Variants in LRMDA observed in about 807,000 individuals in gnomAD.
The protein encoded by LRMDA is leucine-rich melanocyte differentiation-associated protein.
Under a neutral mutation model 29.8 loss-of-function variants are expected in LRMDA, and 18 were observed. The ratio of observed to expected loss-of-function variants is 0.60; its 90% CI spans 0.42 to 0.90. LRMDA has a LOEUF of 0.90. Among genes scored for constraint, LRMDA ranks in the 40% least tolerant of loss-of-function variants. The pLI is 0.00. For synonymous variants in LRMDA, 125 were observed against 109.4 expected (o/e 1.14, Z -0.89); for missense variants, 273 against 273.9 (o/e 1.00, Z 0.02).
At chr10:76,065,911 G>A (rs975458624) in intron 5 of LRMDA, among the ~76,000 whole-genome samples, 3 of 152,196 alleles carry the variant, frequency 2.0e-5, no homozygotes, top group African/African-American at 7.2e-5. Flanking sequence ...GCTCGCACAC[G>A]TCTGCCATTT....
chr10:75,840,604 G>A (rs1002336218), intron 2 of LRMDA, among the ~76,000 whole-genome samples: 1 of 152,292 alleles, frequency 6.6e-6, no homozygotes, highest in South Asian at 2.1e-4. Flanking sequence ...CACGTGTGTT[G>A]TATGTATCTG....
chr10:76,072,414 C>A (rs1355546696), intron 5 of LRMDA, among the ~76,000 whole-genome samples: 1 of 152,148 alleles, frequency 6.6e-6, no homozygotes, highest in African/African-American at 2.4e-5. Flanking sequence ...AAACATCTGA[C>A]ACCAGTGCTT....
chr10:75,615,840 T>G (rs1301508332), intron 2 of LRMDA, among the ~76,000 whole-genome samples: 2 of 152,200 alleles, frequency 1.3e-5, no homozygotes, highest in African/African-American at 4.8e-5. Flanking sequence ...GATCAGTGTT[T>G]CCCAAAGTGC....
At position 75,768,596 on chromosome 10, in the gene LRMDA, G is replaced by T. The variant is rs187560535; in HGVS notation, c.132-267412G>T. On this transcript the variant is annotated intron_variant, in intron 2 of 6. Transcript: ENST00000611255. ...TCTCCAGGTAGCATCAGACACATTG[G>T]TATTTTTCTGGGTCTTGTTCCTTTT... 1.3e-4 allele frequency among the ~76,000 whole-genome samples: 20 copies of T among 152,274 alleles called. No homozygotes were observed. In the East Asian group the frequency reaches 3.3e-3, roughly 25 times the overall value.
chr10:75,809,063 C>T (rs1032290593), intron 2 of LRMDA, among the ~76,000 whole-genome samples: 1 of 152,162 alleles, frequency 6.6e-6, no homozygotes, highest in African/African-American at 2.4e-5. Flanking sequence ...CTTCTGCCCA[C>T]TAGCTGCTGC....
At chr10:76,015,914 G>A (rs533080433) in intron 2 of LRMDA, among the ~76,000 whole-genome samples, 3 of 152,314 alleles carry the variant, frequency 2.0e-5, no homozygotes, top group Admixed American at 2.0e-4. Flanking sequence ...TCTCATCTCA[G>A]AATCTACTTC....
At chr10:75,693,511 A>G (rs567685154) in intron 2 of LRMDA, among the ~76,000 whole-genome samples, 1 of 152,318 alleles carries the variant, frequency 6.6e-6, no homozygotes, top group South Asian at 2.1e-4. Flanking sequence ...GTTATCCTTT[A>G]ATTGGAGAGC....
intron 5 of LRMDA, among the ~76,000 whole-genome samples, chr10:76,148,114 T>A (rs551600977): frequency 2.6e-4 from 40 of 152,322 alleles, no homozygotes; most frequent in African/African-American, 9.4e-4. Context: ...TGCCTCCCCG[T>A]TAGGCTACTC....
chr10:75,959,423 G>C (rs1564617059), intron 2 of LRMDA, among the ~76,000 whole-genome samples: 1 of 152,170 alleles, frequency 6.6e-6, no homozygotes, highest in Non-Finnish European at 1.5e-5. Context: ...AGTCCCTACT[G>C]TGGTGACTCA....
At chr10:75,796,074 A>C (rs997558448) in intron 2 of LRMDA, among the ~76,000 whole-genome samples, 1 of 152,204 alleles carries the variant, frequency 6.6e-6, no homozygotes, top group Non-Finnish European at 1.5e-5. Flanking sequence ...AAAGTCACTT[A>C]CTACTTCTAG....
intron 2 of LRMDA, among the ~76,000 whole-genome samples, chr10:75,903,479 C>T (rs1440051340): frequency 6.6e-6 from 1 of 152,212 alleles, no homozygotes; most frequent in Admixed American, 6.5e-5. Context: ...AATCACTTCG[C>T]GATTCCATTA....
chr10:75,481,186 T>C (rs1188223014), intron 2 of LRMDA, among the ~76,000 whole-genome samples: 1 of 150,972 alleles, frequency 6.6e-6, no homozygotes, highest in African/African-American at 2.4e-5. Flanking sequence ...GGCATGGGAG[T>C]GGAGAGTGGA....
intron 2 of LRMDA, among the ~76,000 whole-genome samples, chr10:75,900,884 G>C (rs1845658980): frequency 6.6e-6 from 1 of 152,154 alleles, no homozygotes; most frequent in Admixed American, 6.5e-5. Flanking sequence ...AGTATATCCT[G>C]TCTACGCTGA....
intron 6 of LRMDA, among the ~76,000 whole-genome samples, chr10:76,372,247 T>G (rs1325555420): frequency 1.3e-5 from 2 of 152,104 alleles, no homozygotes; most frequent in Non-Finnish European, 2.9e-5. Flanking sequence ...TTGCTAGAAA[T>G]AAAGGGAGTA....
intron 2 of LRMDA, among the ~76,000 whole-genome samples, chr10:75,688,999 A>G (rs1842113724): frequency 6.6e-6 from 1 of 152,180 alleles, no homozygotes; most frequent in Non-Finnish European, 1.5e-5. Flanking sequence ...TATGTTTTTT[A>G]CAGTAACATA....
At chr10:76,229,586 C>G (rs1253627001) in intron 5 of LRMDA, among the ~76,000 whole-genome samples, 1 of 152,016 alleles carries the variant, frequency 6.6e-6, no homozygotes, top group Admixed American at 6.6e-5. Flanking sequence ...AAAAAGCCGC[C>G]CTCTGTGCTT....
intron 6 of LRMDA, among the ~76,000 whole-genome samples, chr10:76,390,413 G>A (rs1446508070): frequency 6.6e-6 from 1 of 151,742 alleles, no homozygotes; most frequent in Non-Finnish European, 1.5e-5. Context: ...GCCAAGATGT[G>A]ATAAGGCTTC....
intron 2 of LRMDA, among the ~76,000 whole-genome samples, chr10:75,849,415 A>G (rs187627954): frequency 3.9e-5 from 6 of 152,232 alleles, no homozygotes; most frequent in Admixed American, 3.9e-4. Flanking sequence ...ATGAAATACT[A>G]TAAAGCCATA....
At chr10:75,794,878 C>A (rs1049869114) in intron 2 of LRMDA, among the ~76,000 whole-genome samples, 1 of 151,596 alleles carries the variant, frequency 6.6e-6, no homozygotes, top group Admixed American at 6.6e-5. Flanking sequence ...TTTGAGTTGC[C>A]CTTTCACTTC....
Sources: allele counts gnomAD v4.1 joint callset (sites outside exome capture counted in the v4.1 genomes callset), GRCh38; gene constraint gnomAD v4.1.1; transcripts MANE v1.5; gene names NCBI Gene and HGNC (gene_info 2026-07-23, HGNC 2026-07-21).